The following TENM2 variants were observed in gnomAD, a reference collection of about 807,000 sequenced individuals.
The protein encoded by TENM2 is teneurin transmembrane protein 2, also known as teneurin-2.
Under a neutral mutation model 245.2 loss-of-function variants are expected in TENM2, and 52 were observed. The ratio of observed to expected loss-of-function variants is 0.21; its 90% CI spans 0.17 to 0.27. TENM2 has a LOEUF of 0.27. TENM2 is among the 10% of genes least tolerant of loss of function. TENM2 has a pLI of 1.00. For synonymous variants in TENM2, 1,363 were observed against 1,438.9 expected, an observed-to-expected ratio of 0.95 and a Z score of 1.19; for missense variants, 3,046 against 3,666.8, an observed-to-expected ratio of 0.83 and a Z score of 4.37.
intron 2 of TENM2, among the ~76,000 whole-genome samples, chr5:167,486,231 A>T (rs1218394817): frequency 6.6e-6 from 1 of 152,134 alleles, no homozygotes; most frequent in Non-Finnish European, 1.5e-5. Context: ...TGTGTTGGGG[A>T]TATAAATAAA....
At chr5:167,742,563 A>G (rs1025732641) in intron 2 of TENM2, among the ~76,000 whole-genome samples, 1 of 152,170 alleles carries the variant, frequency 6.6e-6, no homozygotes, top group African/African-American at 2.4e-5. Context: ...GAATTAAGAG[A>G]GAGCTTTTGT....
intron 2 of TENM2, among the ~76,000 whole-genome samples, chr5:167,550,817 C>T (rs1772891990): frequency 1.3e-5 from 2 of 151,058 alleles, no homozygotes; most frequent in Admixed American, 1.3e-4. Context: ...GCAACCTCCA[C>T]CTCCTGGGTT....
At chr5:168,103,355 T>G (rs1793976533) in intron 9 of TENM2, among the ~76,000 whole-genome samples, 1 of 152,176 alleles carries the variant, frequency 6.6e-6, no homozygotes, top group South Asian at 2.1e-4. Flanking sequence ...GACATTAACA[T>G]CCATACAAAG....
At chr5:168,197,960 T>C (rs1443881032) in intron 15 of TENM2, among the ~76,000 whole-genome samples, 1 of 152,144 alleles carries the variant, frequency 6.6e-6, no homozygotes, top group East Asian at 1.9e-4. Context: ...TGTCCTAACG[T>C]AGTATCGTTA....
At chr5:167,727,609 G>A (rs1172535274) in intron 2 of TENM2, among the ~76,000 whole-genome samples, 1 of 152,184 alleles carries the variant, frequency 6.6e-6, no homozygotes. Flanking sequence ...CGACATCACT[G>A]GCCAAGGTTT....
At chr5:167,224,018 C>T in the TENM2 span, among the ~76,000 whole-genome samples, 1 of 151,988 alleles carries the variant, frequency 6.6e-6, no homozygotes, top group Non-Finnish European at 1.5e-5. Flanking sequence ...ATGTTCTTTG[C>T]CCCGCTTTTT....
the TENM2 span, among the ~76,000 whole-genome samples, chr5:167,259,509 C>T: frequency 6.6e-6 from 1 of 152,174 alleles, no homozygotes; most frequent in African/African-American, 2.4e-5. Context: ...TTTAAAACCT[C>T]TCCAATGGGC....
the TENM2 span, among the ~76,000 whole-genome samples, chr5:167,055,539 A>G: frequency 6.6e-6 from 1 of 152,098 alleles, no homozygotes; most frequent in Non-Finnish European, 1.5e-5. Flanking sequence ...CTATCCATTG[A>G]CATGGAATAT....
At chr5:167,047,969 A>AACAG in the TENM2 span, among the ~76,000 whole-genome samples, 1 of 152,078 alleles carries the variant, frequency 6.6e-6, no homozygotes, top group African/African-American at 2.4e-5. Flanking sequence ...CAAACAAACA[A>AACAG]AAAACCTGTA....
intron 1 of TENM2, chr5:167,297,442 G>A (rs756613336): frequency 4.6e-5 from 7 of 152,192 alleles, no homozygotes; most frequent in Non-Finnish European, 8.8e-5. Flanking sequence ...AACATTAAAA[G>A]TGAGGTTTTA....
the TENM2 span, among the ~76,000 whole-genome samples, chr5:167,221,115 A>G: frequency 6.6e-6 from 1 of 152,132 alleles, no homozygotes; most frequent in Admixed American, 6.5e-5. Context: ...GGCATGAACC[A>G]CCGCACCTGG....
chr5:167,381,298 G>A, intron 2 of TENM2, among the ~76,000 whole-genome samples: 1 of 152,148 alleles, frequency 6.6e-6, no homozygotes, highest in East Asian at 1.9e-4. Context: ...AGTGCTAGCT[G>A]TGAGAACCTT....
the TENM2 span, among the ~76,000 whole-genome samples, chr5:167,151,277 T>C: frequency 6.6e-6 from 1 of 152,178 alleles, no homozygotes; most frequent in Admixed American, 6.5e-5. Context: ...GGGAAAGTTT[T>C]ATGAACATGC....
intron 2 of TENM2, among the ~76,000 whole-genome samples, chr5:167,833,771 C>T (rs1212973774): frequency 6.6e-6 from 1 of 152,194 alleles, no homozygotes; most frequent in Non-Finnish European, 1.5e-5. Flanking sequence ...GGTGTGATCT[C>T]TAATCAGCCT....
chr5:168,213,677 G>A (rs1762958803), intron 20 of TENM2, among the ~76,000 whole-genome samples: 1 of 148,586 alleles, frequency 6.7e-6, no homozygotes. Context: ...AAAAAAAAAG[G>A]TTTTTAATTA....
the TENM2 span, among the ~76,000 whole-genome samples, chr5:167,147,428 A>G: frequency 2.0e-5 from 3 of 152,174 alleles, no homozygotes; most frequent in African/African-American, 7.2e-5. Context: ...TTGAATTGGC[A>G]TAAACATGCT....
Position 167,776,617 on chromosome 5 carries a change from A to C in TENM2, c.503-99369A>C, listed in dbSNP as rs1243852108. Among the ~76,000 whole-genome samples the C allele has an allele frequency of 7.0e-5, 7 of 99,448 alleles. No individual in the cohort carries two copies. In the East Asian group the frequency reaches 1.1e-3, roughly 16 times the overall value. 65.2% of individuals were successfully genotyped at this position (99,448 alleles called of 152,430 possible). A position where few individuals can be genotyped will look rare whatever the true frequency, so the allele number is the denominator to read the frequency against. ...TGAAAAAAAAAAAAAAAAAAAAAAA[A>C]AAAAAAAAACCATATATATGTATCT... On this transcript the variant is annotated intron_variant, in intron 2 of 28. Coordinates refer to ENST00000518659, the Ensembl canonical transcript of TENM2.
the TENM2 span, among the ~76,000 whole-genome samples, chr5:167,270,136 C>A: frequency 5.9e-5 from 9 of 152,272 alleles, no homozygotes; most frequent in South Asian, 1.2e-3. Context: ...GGAACTGTTT[C>A]ATGCAGCAAA....
chr5:167,487,279 G>A (rs554521951), intron 2 of TENM2, among the ~76,000 whole-genome samples: 3 of 152,154 alleles, frequency 2.0e-5, no homozygotes, highest in Non-Finnish European at 2.9e-5. Flanking sequence ...TTATCTGTGG[G>A]AAGAGGAAGC....
Sources: allele counts gnomAD v4.1 joint callset (sites outside exome capture counted in the v4.1 genomes callset), GRCh38; gene constraint gnomAD v4.1.1; transcripts MANE v1.5; gene names NCBI Gene and HGNC (gene_info 2026-07-23, HGNC 2026-07-21).